The following PAK2 variants were observed in gnomAD, a reference collection of about 807,000 sequenced individuals.
The protein encoded by PAK2 is serine/threonine-protein kinase PAK 2.
Under a neutral mutation model 65.9 loss-of-function variants are expected in PAK2, and 21 were observed. That is an observed-to-expected ratio of 0.32 (90% CI 0.23 to 0.46). The LOEUF (loss-of-function observed/expected upper bound fraction) is 0.46, where lower values mean the gene tolerates loss of function less well. PAK2 is among the 20% of genes least tolerant of loss of function. PAK2 has a pLI of 1.00. For synonymous variants in PAK2, 204 were observed against 219.7 expected, an observed-to-expected ratio of 0.93 and a Z score of 0.63; for missense variants, 324 against 642.6, an observed-to-expected ratio of 0.50 and a Z score of 5.36.
At chr3:196,775,429 C>T (rs149624292) in intron 1 of PAK2, among the ~76,000 whole-genome samples, 26 of 152,240 alleles carry the variant, frequency 1.7e-4, no homozygotes, top group African/African-American at 6.0e-4. Context: ...GTGGCCCAGG[C>T]TGGAGTGCAG....
At chr3:196,825,566 T>C (rs1240258187) in intron 13 of PAK2, among the ~76,000 whole-genome samples, 2 of 149,594 alleles carry the variant, frequency 1.3e-5, no homozygotes, top group Middle Eastern at 3.5e-3. Context: ...TCGCTTGAAC[T>C]CAGGAGGTGA....
chr3:196,811,197 TCCTC>T (rs1715776783), intron 8 of PAK2, among the ~76,000 whole-genome samples: 1 of 8,542 alleles, frequency 1.2e-4, no homozygotes, highest in Non-Finnish European at 2.6e-4. Flanking sequence ...ATGAATTCCT[TCCTC>T]CCTTCCTTCC....
chr3:196,787,452 G>A (rs1424789053), intron 2 of PAK2, among the ~76,000 whole-genome samples: 1 of 152,012 alleles, frequency 6.6e-6, no homozygotes. Context: ...GGTGGCAGGT[G>A]CCTGTAGTCC....
intron 1 of PAK2, among the ~76,000 whole-genome samples, chr3:196,763,828 C>T (rs1051995624): frequency 2.0e-5 from 3 of 152,176 alleles, no homozygotes; most frequent in Non-Finnish European, 2.9e-5. Flanking sequence ...TGGCCAGGCT[C>T]TGTCACCCAG....
At chr3:196,811,777 C>T (rs4916555) in intron 8 of PAK2, among the ~76,000 whole-genome samples, 89,787 of 151,784 alleles carry the variant, frequency 0.59, 28,765 homozygotes, top group African/African-American at 0.84. Flanking sequence ...TACATATCTG[C>T]GTCCTTTGTA....
chr3:196,769,075 C>T lies in PAK2; in HGVS notation c.-21-13551C>T, dbSNP rs78708975. On this transcript the variant is annotated intron_variant, in intron 1 of 14. Transcript: ENST00000327134. ...GGCACTGTAGTGCACACCTATAATC[C>T]CAGCAATTTGGGAGGCCAAGGAGGA... Among the ~76,000 whole-genome samples the T allele has an allele frequency of 8.7e-3, 1,328 of 151,994 alleles. 28 individuals carry two copies. Among genetic ancestry groups the T allele is most frequent in the African/African-American group, 0.029 (1,217 of 41,352 alleles).
At chr3:196,792,563 C>T (rs1041844906) in intron 2 of PAK2, among the ~76,000 whole-genome samples, 3 of 152,140 alleles carry the variant, frequency 2.0e-5, no homozygotes, top group African/African-American at 7.2e-5. Context: ...GCATAAATCC[C>T]TCATTACTAG....
At chr3:196,745,994 TC>T (rs1274401066) in intron 1 of PAK2, among the ~76,000 whole-genome samples, 1 of 151,514 alleles carries the variant, frequency 6.6e-6, no homozygotes, top group African/African-American at 2.4e-5. Context: ...TTTTTTTTTT[TC>T]TTTTTCTTTC....
intron 1 of PAK2, among the ~76,000 whole-genome samples, chr3:196,773,608 G>T (rs1230212195): frequency 1.3e-5 from 2 of 152,128 alleles, no homozygotes; most frequent in African/African-American, 2.4e-5. Context: ...GGGCACAGTG[G>T]CTCATGCTTG....
Position 196,801,789 on chromosome 3 carries a change from C to T in PAK2, c.188-138C>T, listed in dbSNP as rs111546236. On this transcript the variant is annotated intron_variant, in intron 2 of 14. Transcript: ENST00000327134. ...CAGAGGTTGCAGTCAGCTGAGATTG[C>T]ACCACTGCACTCCAGCCTGGGCAAC... 6.0e-3 allele frequency: 3,241 copies of T among 538,616 alleles called. 75 individuals are homozygous for T. Among genetic ancestry groups the T allele is most frequent in the African/African-American group, 0.055 (2,881 of 52,090 alleles). The allele number at this position is 538,616 out of a possible 1,614,324, so 33.4% of individuals were successfully genotyped here.
At chr3:196,787,332 G>A (rs2108745043) in intron 2 of PAK2, among the ~76,000 whole-genome samples, 1 of 152,168 alleles carries the variant, frequency 6.6e-6, no homozygotes, top group South Asian at 2.1e-4. Context: ...TGTAATCTCA[G>A]CACTTTGGGA....
intron 1 of PAK2, among the ~76,000 whole-genome samples, chr3:196,762,040 G>A (rs1713992338): frequency 3.0e-5 from 4 of 133,008 alleles, no homozygotes; most frequent in Admixed American, 3.0e-4. Context: ...GGGCAGAGAC[G>A]CTCCTCACCT....
At chr3:196,782,571 TGC>T in intron 1 of PAK2, 53 bp from the exon 2 acceptor site, 1 of 796,254 alleles carries the variant, frequency 1.3e-6, no homozygotes, top group Non-Finnish European at 2.0e-6. Flanking sequence ...TACTGTTTTT[TGC>T]TTGTTCGTGC....
chr3:196,802,044 C>A lies in PAK2; in HGVS notation c.288+17C>A, dbSNP rs113444498. 7.1e-6 allele frequency: 9 copies of A among 1,270,252 alleles called. No individual in the cohort carries two copies. The highest frequency in any genetic ancestry group is 1.2e-5 in the South Asian group (1 of 82,694). The allele number at this position is 1,270,252 out of a possible 1,614,324, so 78.7% of individuals were successfully genotyped here. On this transcript the variant is annotated intron_variant, in intron 3 of 14. Coordinates refer to ENST00000327134, the MANE Select transcript of PAK2 (RefSeq NM_002577.4). Reference sequence around the variant, plus strand: ...GAATTCACTGTAAGTTAACCTAGTTCGGGCCCATTTATAACGTTTAAAATA... The same window carrying A: ...GAATTCACTGTAAGTTAACCTAGTTAGGGCCCATTTATAACGTTTAAAATA...
chr3:196,780,853 A>G (rs1193811755), intron 1 of PAK2, among the ~76,000 whole-genome samples: 4 of 152,160 alleles, frequency 2.6e-5, no homozygotes, highest in Admixed American at 1.3e-4. Flanking sequence ...CAGTGGCGCA[A>G]TCTCGGCTCA....
At chr3:196,813,513 A>AGAT (rs1419661910) in intron 10 of PAK2, among the ~76,000 whole-genome samples, 1 of 152,008 alleles carries the variant, frequency 6.6e-6, no homozygotes, top group Admixed American at 6.6e-5. Context: ...GCATGAGAGA[A>AGAT]GATTCGTTGA....
intron 8 of PAK2, among the ~76,000 whole-genome samples, chr3:196,811,733 G>A (rs73074701): frequency 0.086 from 13,122 of 151,950 alleles, 760 homozygotes; most frequent in African/African-American, 0.14. Flanking sequence ...ACTATATGAC[G>A]TTTAAAAATT....
intron 1 of PAK2, among the ~76,000 whole-genome samples, chr3:196,779,751 A>T (rs1714646554): frequency 6.6e-6 from 1 of 152,132 alleles, no homozygotes; most frequent in Admixed American, 6.5e-5. Context: ...CAGCTCTGCA[A>T]CCTCTGCCTC....
At chr3:196,803,230 C>G in intron 4 of PAK2, 66 bp downstream of exon 4, 1 of 1,275,182 alleles carries the variant, frequency 7.8e-7, no homozygotes, top group Non-Finnish European at 1.1e-6. Flanking sequence ...AAAAAGATTA[C>G]TCCTGGAAAA....
Sources: gnomAD v4.1 joint callset for allele counts (sites outside exome capture counted in the v4.1 genomes callset) on GRCh38, gnomAD v4.1.1 for gene constraint, MANE v1.5 for transcripts, NCBI Gene and HGNC (gene_info 2026-07-23, HGNC 2026-07-21) for gene names.